The following PRKCE variants were observed in gnomAD, a reference collection of about 807,000 sequenced individuals.
The protein encoded by PRKCE is protein kinase C epsilon type.
In PRKCE, 16 loss-of-function variants were observed where a neutral mutation model predicts 85.4. The observed-to-expected ratio is 0.19, with a 90% CI of 0.13 to 0.28. The LOEUF is 0.28. PRKCE is among the 10% of genes least tolerant of loss of function. PRKCE has a pLI of 1.00. For synonymous variants in PRKCE, 388 were observed against 371.5 expected, an observed-to-expected ratio of 1.04 and a Z score of -0.51; for missense variants, 573 against 975.2, an observed-to-expected ratio of 0.59 and a Z score of 5.49.
At chr2:46,091,766 T>C (rs1404271091) in intron 11 of PRKCE, among the ~76,000 whole-genome samples, 1 of 152,246 alleles carries the variant, frequency 6.6e-6, no homozygotes, top group South Asian at 2.1e-4. Flanking sequence ...GCCAGTCACA[T>C]ACCTCGAATT....
At chr2:45,772,605 C>T (rs1685430621) in intron 1 of PRKCE, among the ~76,000 whole-genome samples, 1 of 152,184 alleles carries the variant, frequency 6.6e-6, no homozygotes, top group Non-Finnish European at 1.5e-5. Flanking sequence ...GAGATAGGCT[C>T]TTCCCACAGT....
intron 2 of PRKCE, among the ~76,000 whole-genome samples, chr2:45,894,051 G>A (rs751148457): frequency 6.6e-6 from 1 of 152,174 alleles, no homozygotes; most frequent in Non-Finnish European, 1.5e-5. Context: ...GGCATAGGAG[G>A]CACCCAAACA....
chr2:45,910,040 A>ACCCCCCCCCC (rs1373159323), intron 2 of PRKCE, among the ~76,000 whole-genome samples: 1 of 134,024 alleles, frequency 7.5e-6, no homozygotes, highest in African/African-American at 2.7e-5. Flanking sequence ...CAGTAAACTC[A>ACCCCCCCCCC]CCGCCCCCCC....
intron 1 of PRKCE, among the ~76,000 whole-genome samples, chr2:45,747,264 A>C (rs889868042): frequency 2.0e-5 from 3 of 152,230 alleles, no homozygotes; most frequent in African/African-American, 7.2e-5. Context: ...TTTATACTTC[A>C]GTGGCTTTAA....
chr2:46,144,451 T>C (rs547822534), intron 11 of PRKCE, among the ~76,000 whole-genome samples: 1 of 152,300 alleles, frequency 6.6e-6, no homozygotes, highest in African/African-American at 2.4e-5. Context: ...TTCTCTGGCC[T>C]CCTCACTACC....
intron 2 of PRKCE, among the ~76,000 whole-genome samples, chr2:45,937,222 A>G (rs1295362139): frequency 6.6e-6 from 1 of 152,232 alleles, no homozygotes; most frequent in African/African-American, 2.4e-5. Flanking sequence ...TTAAATAAAA[A>G]AAAATTGGGG....
At chr2:45,960,467 G>C (rs1701297323) in intron 2 of PRKCE, among the ~76,000 whole-genome samples, 1 of 152,166 alleles carries the variant, frequency 6.6e-6, no homozygotes, top group Non-Finnish European at 1.5e-5. Flanking sequence ...GTGGTGTGGG[G>C]GGCAGAAGGG....
chr2:45,832,068 G>C (rs919398880), intron 1 of PRKCE, among the ~76,000 whole-genome samples: 1 of 152,008 alleles, frequency 6.6e-6, no homozygotes, highest in Non-Finnish European at 1.5e-5. Context: ...TTTTCTCACA[G>C]GACATGGTTC....
chr2:45,893,341 T>G (rs1273965470), intron 2 of PRKCE, among the ~76,000 whole-genome samples: 1 of 89,894 alleles, frequency 1.1e-5, no homozygotes, highest in African/African-American at 4.2e-5. Context: ...CTCATGTCTT[T>G]TCTTTTCTTT....
intron 11 of PRKCE, among the ~76,000 whole-genome samples, chr2:46,123,089 A>G (rs1191599359): frequency 6.9e-6 from 1 of 144,698 alleles, no homozygotes; most frequent in Non-Finnish European, 1.5e-5. Context: ...TGGTTTCTGA[A>G]ATCTGTCTCT....
intron 1 of PRKCE, among the ~76,000 whole-genome samples, chr2:45,775,276 T>A (rs1685660900): frequency 6.6e-6 from 1 of 152,230 alleles, no homozygotes; most frequent in African/African-American, 2.4e-5. Flanking sequence ...TGAGTTACTG[T>A]CTTCCTGCTC....
intron 1 of PRKCE, among the ~76,000 whole-genome samples, chr2:45,754,050 G>C (rs917590836): frequency 7.9e-5 from 12 of 152,272 alleles, no homozygotes; most frequent in African/African-American, 2.9e-4. Flanking sequence ...TTGATTGCTA[G>C]CTACCTTTCC....
chr2:46,016,007 A>G (rs957007148), intron 10 of PRKCE, among the ~76,000 whole-genome samples: 2 of 152,204 alleles, frequency 1.3e-5, no homozygotes, highest in South Asian at 2.1e-4. Flanking sequence ...AGATAGCCTC[A>G]GTAATTTGCA....
At chr2:45,947,534 TTAAAA>T (rs1229052082) in intron 2 of PRKCE, among the ~76,000 whole-genome samples, 1 of 152,180 alleles carries the variant, frequency 6.6e-6, no homozygotes, top group African/African-American at 2.4e-5. Context: ...AATAACAATA[TTAAAA>T]TAAAATAATA....
intron 2 of PRKCE, chr2:45,851,889 C>A (rs78857845): frequency 6.6e-6 from 1 of 152,234 alleles, no homozygotes; most frequent in Non-Finnish European, 1.5e-5. Flanking sequence ...TGCCTGTCAC[C>A]GAGGACTGAG....
At chr2:45,679,769 T>C (rs755782672) in intron 1 of PRKCE, among the ~76,000 whole-genome samples, 1 of 152,120 alleles carries the variant, frequency 6.6e-6, no homozygotes, top group Non-Finnish European at 1.5e-5. Flanking sequence ...GTGGTGTTGA[T>C]TGACCTCTGT....
intron 6 of PRKCE, among the ~76,000 whole-genome samples, chr2:45,987,312 G>C (rs565360909): frequency 6.6e-6 from 1 of 152,240 alleles, no homozygotes; most frequent in Admixed American, 6.5e-5. Flanking sequence ...AACCCGGAGG[G>C]AATCAGGCCG....
intron 2 of PRKCE, among the ~76,000 whole-genome samples, chr2:45,884,482 A>G (rs541286997): frequency 1.4e-4 from 22 of 152,282 alleles, no homozygotes; most frequent in South Asian, 4.1e-4. Context: ...TCCAATCTCT[A>G]AAGTCTCCAT....
chr2:45,980,175 A>T, intron 4 of PRKCE, 121 bp from the exon 5 acceptor site: 1 of 796,524 alleles, frequency 1.3e-6, no homozygotes, highest in Non-Finnish European at 2.0e-6. Flanking sequence ...GTATTAAATT[A>T]AGGCTCAGTG....
Sources: allele counts gnomAD v4.1 joint callset (sites outside exome capture counted in the v4.1 genomes callset), GRCh38; gene constraint gnomAD v4.1.1; transcripts MANE v1.5; gene names NCBI Gene and HGNC (gene_info 2026-07-23, HGNC 2026-07-21).